FHIT: variants seen among roughly 807,000 people sequenced by gnomAD.
FHIT encodes the protein fragile histidine triad diadenosine triphosphatase.
FHIT carries 19 observed loss-of-function variants against 17.9 expected under a neutral mutation model. The ratio of observed to expected loss-of-function variants is 1.06; its 90% CI spans 0.74 to 1.56. The LOEUF (loss-of-function observed/expected upper bound fraction) is 1.56. Among genes scored for constraint, FHIT ranks in the 40% most tolerant of loss-of-function variants. The probability of loss-of-function intolerance (pLI) is 0.00; values close to 1 mark genes in which losing one functional copy is unlikely to be tolerated. For synonymous variants in FHIT, 81 were observed against 69.7 expected, an observed-to-expected ratio of 1.16 and a Z score of -0.81; for missense variants, 248 against 189.2, an observed-to-expected ratio of 1.31 and a Z score of -1.82.
At chr3:59,956,301 T>G (rs946478081) in intron 7 of FHIT, among the ~76,000 whole-genome samples, 4 of 151,758 alleles carry the variant, frequency 2.6e-5, no homozygotes, top group African/African-American at 9.7e-5. Context: ...GCACACAGCC[T>G]CCCAGGAGGA....
chr3:59,766,904 T>C (rs1215011390), intron 8 of FHIT, among the ~76,000 whole-genome samples: 1 of 152,228 alleles, frequency 6.6e-6, no homozygotes, highest in Non-Finnish European at 1.5e-5. Flanking sequence ...TCATTGACAT[T>C]AGAGTAAAGC....
rs757578219 is a variant in FHIT at position 59,749,245 on chromosome 3, AGTAACT to A, written c.*334_*339del. On this transcript the variant is annotated 3_prime_UTR_variant, in exon 10 of 10. Transcript: ENST00000492590. ...CCAACGATTGAATTTCCTTTAAAAA[AGTAACT>A]GTAACTGTAATAGGTTTGTTGCCTA... 1.7e-5 allele frequency: 4 copies of A among 230,930 alleles called. No individual in the cohort carries two copies. The highest frequency in any genetic ancestry group is 6.6e-5 in the African/African-American group (3 of 45,200). The allele number at this position is 230,930 out of a possible 1,614,324, so 14.3% of individuals were successfully genotyped here.
At chr3:60,863,659 T>C (rs1190416224) in intron 3 of FHIT, among the ~76,000 whole-genome samples, 2 of 152,226 alleles carry the variant, frequency 1.3e-5, no homozygotes, top group African/African-American at 2.4e-5. Flanking sequence ...TCCTCTTTGA[T>C]GGTCCCTGGG....
chr3:60,282,792 A>T (rs937789481), intron 5 of FHIT, among the ~76,000 whole-genome samples: 14 of 152,116 alleles, frequency 9.2e-5, no homozygotes, highest in Non-Finnish European at 8.8e-5. Context: ...ATTTTATTTT[A>T]AAAAGTACAT....
At chr3:60,646,314 T>C (rs961640453) in intron 4 of FHIT, among the ~76,000 whole-genome samples, 11 of 152,166 alleles carry the variant, frequency 7.2e-5, no homozygotes, top group African/African-American at 2.2e-4. Flanking sequence ...CATTTTTTAA[T>C]ATCAAGTGAG....
chr3:60,487,848 G>T (rs2107492786), intron 5 of FHIT, among the ~76,000 whole-genome samples: 1 of 152,186 alleles, frequency 6.6e-6, no homozygotes, highest in Non-Finnish European at 1.5e-5. Flanking sequence ...ATCCTATTCT[G>T]TTATCTCAAA....
At chr3:59,940,216 G>A (rs1178131496) in intron 7 of FHIT, among the ~76,000 whole-genome samples, 3 of 152,190 alleles carry the variant, frequency 2.0e-5, no homozygotes, top group Admixed American at 1.3e-4. Context: ...AAGCATAGAT[G>A]TAAGGTGTTT....
At chr3:60,676,975 AG>A (rs2040634956) in intron 4 of FHIT, among the ~76,000 whole-genome samples, 2 of 152,158 alleles carry the variant, frequency 1.3e-5, no homozygotes, top group South Asian at 4.1e-4. Flanking sequence ...CCTGGGTTCA[AG>A]GGATCCTCTC....
intron 5 of FHIT, among the ~76,000 whole-genome samples, chr3:60,523,826 T>A (rs1296345142): frequency 6.6e-6 from 1 of 152,230 alleles, no homozygotes; most frequent in Non-Finnish European, 1.5e-5. Flanking sequence ...AACCACCTGT[T>A]ACTTCTCTCT....
At position 60,828,510 on chromosome 3, in the gene FHIT, C is replaced by A. The variant is rs950213263; in HGVS notation, c.-110-6499G>T. On this transcript the variant is annotated intron_variant, in intron 3 of 9. Coordinates refer to ENST00000492590, the MANE Select transcript of FHIT (RefSeq NM_002012.4). ...ATAGGTGATCTAATCCTCCTGGAAG[C>A]TATTAGAGGAGATGGGCATGAGTCA... 1.3e-5 allele frequency among the ~76,000 whole-genome samples: 2 copies of A among 152,102 alleles called. 1 individual carries two copies. Among genetic ancestry groups the A allele is most frequent in the Admixed American group, 1.3e-4 (2 of 15,258 alleles).
intron 5 of FHIT, among the ~76,000 whole-genome samples, chr3:60,513,548 G>A (rs572118692): frequency 6.6e-6 from 1 of 152,102 alleles, no homozygotes; most frequent in African/African-American, 2.4e-5. Context: ...ATTCCCTTTG[G>A]AGTTTAAAAT....
chr3:60,691,814 T>C (rs1170925888), intron 4 of FHIT, among the ~76,000 whole-genome samples: 1 of 152,206 alleles, frequency 6.6e-6, no homozygotes, highest in East Asian at 1.9e-4. Flanking sequence ...ACTTATTCTC[T>C]CATTTCACTT....
chr3:59,841,038 T>A (rs1701515214), intron 8 of FHIT, among the ~76,000 whole-genome samples: 1 of 152,054 alleles, frequency 6.6e-6, no homozygotes, highest in Non-Finnish European at 1.5e-5. Context: ...TGCTAAAGAG[T>A]TGGTTTAATT....
intron 1 of FHIT, among the ~76,000 whole-genome samples, chr3:61,247,300 C>T (rs371355471): frequency 6.6e-6 from 1 of 152,160 alleles, no homozygotes; most frequent in African/African-American, 2.4e-5. Flanking sequence ...ACCTCCTTAT[C>T]GTAACCTCAT....
intron 8 of FHIT, among the ~76,000 whole-genome samples, chr3:59,908,466 T>G (rs996085431): frequency 1.3e-5 from 2 of 152,180 alleles, no homozygotes; most frequent in African/African-American, 4.8e-5. Context: ...GTCAGGACCA[T>G]GGACACCTCT....
At chr3:60,403,633 C>T (rs1240902671) in intron 5 of FHIT, among the ~76,000 whole-genome samples, 3 of 152,142 alleles carry the variant, frequency 2.0e-5, no homozygotes, top group African/African-American at 7.2e-5. Context: ...TTCCAGAAAG[C>T]GTCCTGCCCC....
At chr3:60,323,409 A>C (rs1424289035) in intron 5 of FHIT, among the ~76,000 whole-genome samples, 1 of 152,196 alleles carries the variant, frequency 6.6e-6, no homozygotes, top group Non-Finnish European at 1.5e-5. Context: ...AGGATGAGAC[A>C]CTTTCCACAT....
chr3:59,927,629 C>T (rs1354273046), intron 7 of FHIT, among the ~76,000 whole-genome samples: 2 of 151,450 alleles, frequency 1.3e-5, no homozygotes, highest in Admixed American at 6.7e-5. Context: ...GTTAGCCAGG[C>T]GTGGTGGCAC....
At chr3:60,488,547 G>T (rs1449387433) in intron 5 of FHIT, among the ~76,000 whole-genome samples, 1 of 152,094 alleles carries the variant, frequency 6.6e-6, no homozygotes, top group Non-Finnish European at 1.5e-5. Flanking sequence ...TGGTTCTGTG[G>T]TTGCTTAGAA....
Sources: gnomAD v4.1 joint callset for allele counts (sites outside exome capture counted in the v4.1 genomes callset) on GRCh38, gnomAD v4.1.1 for gene constraint, MANE v1.5 for transcripts, NCBI Gene and HGNC (gene_info 2026-07-23, HGNC 2026-07-21) for gene names.